The following PACSIN2 variants were observed in gnomAD, a reference collection of about 807,000 sequenced individuals.
The protein encoded by PACSIN2 is protein kinase C and casein kinase substrate in neurons protein 2.
PACSIN2 carries 25 observed loss-of-function variants against 63.8 expected under a neutral mutation model. The ratio of observed to expected loss-of-function variants is 0.39; its 90% CI spans 0.29 to 0.55. The LOEUF (loss-of-function observed/expected upper bound fraction) is 0.55, where lower values mean the gene tolerates loss of function less well. Ranked by LOEUF, PACSIN2 falls within the 20% of genes least tolerant of loss-of-function variation. The probability of loss-of-function intolerance (pLI) is 0.62; values close to 1 mark genes in which losing one functional copy is unlikely to be tolerated. For missense variants in PACSIN2, 518 were observed against 646.9 expected (o/e 0.80, Z 2.16); for synonymous variants, 255 against 256.2 (o/e 1.00, Z 0.05).
At chr22:42,981,844 G>T (rs1426531718) in intron 1 of PACSIN2, among the ~76,000 whole-genome samples, 10 of 115,760 alleles carry the variant, frequency 8.6e-5, no homozygotes, top group African/African-American at 3.4e-4. Context: ...CCCCCCGCCC[G>T]GCCAGCCGCC....
At position 42,962,752 on chromosome 22, in the gene PACSIN2, C is replaced by T. The variant is rs555077332; in HGVS notation, c.-77-50595G>A. On this transcript the variant is annotated intron_variant, in intron 1 of 10. Transcript: ENST00000263246. Reference sequence around the variant, plus strand: ...CATTGTGAGTCCTGCCCCAAGTACCCAGTCACAAGAGCAAGGTGTGGGCGG... The same window carrying T: ...CATTGTGAGTCCTGCCCCAAGTACCTAGTCACAAGAGCAAGGTGTGGGCGG... Among the ~76,000 whole-genome samples, 413 of 104,150 alleles carry T rather than the reference C, an allele frequency of 4.0e-3. 1 individual carries two copies. The highest frequency in any genetic ancestry group is 0.013 in the Admixed American group (85 of 6,430). 68.3% of individuals were successfully genotyped at this position (104,150 alleles called of 152,430 possible).
chr22:43,012,342 CCCCTCTGCT>C (rs1252740905), intron 1 of PACSIN2, among the ~76,000 whole-genome samples: 2 of 148,774 alleles, frequency 1.3e-5, no homozygotes, highest in Non-Finnish European at 3.0e-5. Flanking sequence ...AGGACAAATG[CCCCTCTGCT>C]CCCACTCCAG....
chr22:42,958,463 G>C (rs533577409), intron 1 of PACSIN2, among the ~76,000 whole-genome samples: 2 of 152,174 alleles, frequency 1.3e-5, no homozygotes, highest in Non-Finnish European at 2.9e-5. Flanking sequence ...TCTCATACCT[G>C]TAAAAATGCT....
intron 10 of PACSIN2, among the ~76,000 whole-genome samples, chr22:42,874,922 C>T (rs1928485015): frequency 6.0e-5 from 9 of 148,844 alleles, no homozygotes; most frequent in Admixed American, 5.5e-4. Context: ...GCAATCTCGG[C>T]TCACTGCAAG....
At chr22:43,013,728 C>T (rs1449517243) in intron 1 of PACSIN2, among the ~76,000 whole-genome samples, 1 of 152,184 alleles carries the variant, frequency 6.6e-6, no homozygotes, top group African/African-American at 2.4e-5. Context: ...GGTGTGAGCT[C>T]ACCATCTGCA....
At chr22:42,943,471 G>T (rs1267695039) in intron 1 of PACSIN2, among the ~76,000 whole-genome samples, 3 of 152,136 alleles carry the variant, frequency 2.0e-5, no homozygotes, top group Non-Finnish European at 4.4e-5. Context: ...CTATTCTTCT[G>T]GATTGTAGGA....
chr22:42,953,736 G>A (rs1601572684), intron 1 of PACSIN2, among the ~76,000 whole-genome samples: 1 of 152,142 alleles, frequency 6.6e-6, no homozygotes, highest in Non-Finnish European at 1.5e-5. Context: ...GCAAGTAACC[G>A]GCTAGTTTTG....
chr22:42,962,777 G>GGGC lies in PACSIN2; in HGVS notation c.-77-50621_-77-50620insGCC, dbSNP rs67666196. 3.4e-3 allele frequency among the ~76,000 whole-genome samples: 421 copies of GGGC among 123,208 alleles called. 2 individuals carry two copies. Among genetic ancestry groups the GGGC allele is most frequent in the African/African-American group, 5.6e-3 (164 of 29,220 alleles). The allele number at this position is 123,208 out of a possible 152,430, so 80.8% of individuals were successfully genotyped here. ...CAGTCACAAGAGCAAGGTGTGGGCG[G>GGGC]GGGGGGGGGGCGGCGCAGAAAAAGA... On this transcript the variant is annotated intron_variant, in intron 1 of 10. Coordinates refer to ENST00000263246, the MANE Select transcript of PACSIN2 (RefSeq NM_001184970.3).
chr22:42,872,616 TG>T (rs1928250305), intron 10 of PACSIN2, among the ~76,000 whole-genome samples: 1 of 152,252 alleles, frequency 6.6e-6, no homozygotes, highest in South Asian at 2.1e-4. Context: ...CCGGACTGCC[TG>T]GGCTCAAATC....
chr22:42,984,517 A>G (rs1006779713), intron 1 of PACSIN2, among the ~76,000 whole-genome samples: 2 of 152,084 alleles, frequency 1.3e-5, no homozygotes, highest in African/African-American at 4.8e-5. Flanking sequence ...ATGAGGTGAA[A>G]ACCCACATGG....
chr22:42,973,103 G>C (rs1177963039), intron 1 of PACSIN2, among the ~76,000 whole-genome samples: 1 of 152,170 alleles, frequency 6.6e-6, no homozygotes, highest in Non-Finnish European at 1.5e-5. Context: ...ACACATCTGG[G>C]ACATGACCGT....
chr22:42,963,889 T>A (rs1403204892), intron 1 of PACSIN2, among the ~76,000 whole-genome samples: 1 of 150,972 alleles, frequency 6.6e-6, no homozygotes, highest in African/African-American at 2.4e-5. Context: ...ATCGCTCTAA[T>A]ACTATACTGC....
intron 1 of PACSIN2, among the ~76,000 whole-genome samples, chr22:42,980,438 A>C (rs537143668): frequency 7.7e-4 from 116 of 151,224 alleles, no homozygotes; most frequent in African/African-American, 2.8e-3. Flanking sequence ...GGCGACAGAG[A>C]GAGACCCTCC....
chr22:42,888,800 T>C lies in PACSIN2; in HGVS notation c.454-2A>G. ...GTGGGCTTTCTTTGCTGCTTCTACC[T>C]ACAGGGAGAATGAGTTCCTGAATGC... is the stretch of plus-strand genomic sequence containing the variant. On this transcript the variant is annotated splice_acceptor_variant, in intron 4 of 10. Coordinates refer to ENST00000263246, the MANE Select transcript of PACSIN2 (RefSeq NM_001184970.3). LOFTEE classifies it high-confidence loss of function. 6.2e-7 allele frequency: 1 copy of C among 1,614,046 alleles called. No homozygotes were observed. The highest frequency in any genetic ancestry group is 1.1e-5 in the South Asian group (1 of 91,072).
At chr22:42,873,563 G>T (rs1484395287) in intron 10 of PACSIN2, among the ~76,000 whole-genome samples, 1 of 152,174 alleles carries the variant, frequency 6.6e-6, no homozygotes, top group Non-Finnish European at 1.5e-5. Context: ...CTGAGTCAGG[G>T]GTTGGGGTGG....
chr22:42,943,015 C>A (rs968898199), intron 1 of PACSIN2, among the ~76,000 whole-genome samples: 1 of 152,294 alleles, frequency 6.6e-6, no homozygotes. Flanking sequence ...TGAAGTCTTC[C>A]AGTCCATGGA....
In PACSIN2 at chr22:42,990,038, A is replaced by G. The variant is rs754426869; in HGVS notation, c.-78+24983T>C. Among the ~76,000 whole-genome samples the G allele has an allele frequency of 1.3e-3, 31 of 23,784 alleles. 1 individual carries two copies. Among genetic ancestry groups the G allele is most frequent in the Middle Eastern group, 0.03 (2 of 66 alleles). 15.6% of individuals were successfully genotyped at this position (23,784 alleles called of 152,430 possible). The stretch of plus-strand genomic sequence containing the variant: ...TATACACACATATGTATATATATGT[A>G]TATATATATATATACACACACATAT... On this transcript the variant is annotated intron_variant, in intron 1 of 10. Transcript: ENST00000263246.
At chr22:42,971,009 C>A (rs1344244788) in intron 1 of PACSIN2, among the ~76,000 whole-genome samples, 3 of 152,240 alleles carry the variant, frequency 2.0e-5, no homozygotes, top group African/African-American at 7.2e-5. Flanking sequence ...TCTCACCACT[C>A]AGCAGTTTCT....
At chr22:42,916,887 G>A (rs919446564) in intron 1 of PACSIN2, among the ~76,000 whole-genome samples, 38 of 152,180 alleles carry the variant, frequency 2.5e-4, no homozygotes, top group Non-Finnish European at 2.6e-4. Flanking sequence ...CAAGCCACCC[G>A]AAGGTACTCG....
Sources: gnomAD v4.1 joint callset for allele counts (sites outside exome capture counted in the v4.1 genomes callset) on GRCh38, gnomAD v4.1.1 for gene constraint, MANE v1.5 for transcripts, NCBI Gene and HGNC (gene_info 2026-07-23, HGNC 2026-07-21) for gene names.